The following GNAL variants were observed in gnomAD, a reference collection of about 807,000 sequenced individuals.
GNAL encodes the protein G protein subunit alpha L.
GNAL carries 18 observed loss-of-function variants against 55.1 expected under a neutral mutation model. The observed-to-expected ratio is 0.33, with a 90% confidence interval of 0.23 to 0.48. The LOEUF is 0.48. Ranked by LOEUF, GNAL falls within the 20% of genes least tolerant of loss-of-function variation. GNAL has a pLI of 0.99. For missense variants in GNAL, 412 were observed against 614.1 expected (o/e 0.67, Z 3.48); for synonymous variants, 253 against 237.0 (o/e 1.07, Z -0.62).
intron 1 of GNAL, among the ~76,000 whole-genome samples, chr18:11,693,759 T>TTTTG (rs2031325104): frequency 6.6e-6 from 1 of 151,192 alleles, no homozygotes; most frequent in Admixed American, 6.6e-5. Flanking sequence ...TTTTTTTTTT[T>TTTTG]TAATCCCAAC....
chr18:11,855,024 G>T (rs924825514), intron 5 of GNAL, among the ~76,000 whole-genome samples: 6 of 149,690 alleles, frequency 4.0e-5, no homozygotes, highest in South Asian at 4.2e-4. Flanking sequence ...AGGTTCTAGC[G>T]ATCCTCCTGC....
Position 11,807,037 on chromosome 18 carries a change from T to C in GNAL, c.625-17881T>C, listed in dbSNP as rs1447713343. On this transcript the variant is annotated intron_variant, in intron 4 of 11. Coordinates refer to ENST00000334049, the MANE Select transcript of GNAL (RefSeq NM_182978.4). ...AGCCGGGCATGGTGGCGCACGCCTGTAGTTCCAGCTACTGGGGAGGCTGAG... is the reference window on the plus strand; with the variant it reads ...AGCCGGGCATGGTGGCGCACGCCTGCAGTTCCAGCTACTGGGGAGGCTGAG... Among the ~76,000 whole-genome samples the C allele has an allele frequency of 2.0e-5, 3 of 152,008 alleles. No homozygotes were observed. In the East Asian group the frequency reaches 5.8e-4, roughly 29 times the overall value.
At chr18:11,694,271 C>T (rs1484692358) in intron 1 of GNAL, among the ~76,000 whole-genome samples, 2 of 152,136 alleles carry the variant, frequency 1.3e-5, no homozygotes, top group Non-Finnish European at 2.9e-5. Flanking sequence ...CTCCCTGTGT[C>T]CTGTGAATTC....
intron 5 of GNAL, among the ~76,000 whole-genome samples, chr18:11,829,395 G>A (rs1208468489): frequency 6.6e-6 from 1 of 152,150 alleles, no homozygotes; most frequent in East Asian, 1.9e-4. Flanking sequence ...TGGAATTGAG[G>A]GATGAGGGAT....
intron 4 of GNAL, among the ~76,000 whole-genome samples, chr18:11,754,375 C>T (rs1455492197): frequency 6.6e-6 from 1 of 151,826 alleles, no homozygotes; most frequent in African/African-American, 2.4e-5. Context: ...CGAGATCACG[C>T]CACTGCACTC....
intron 4 of GNAL, among the ~76,000 whole-genome samples, chr18:11,769,174 T>C (rs1373221786): frequency 9.4e-6 from 1 of 106,606 alleles, no homozygotes; most frequent in East Asian, 3.5e-4. Flanking sequence ...TAATATATAT[T>C]ATAATATAGA....
At chr18:11,865,260 C>T (rs974952417) in intron 7 of GNAL, among the ~76,000 whole-genome samples, 3 of 149,442 alleles carry the variant, frequency 2.0e-5, no homozygotes, top group Non-Finnish European at 4.4e-5. Flanking sequence ...GCTTGTGCAC[C>T]GTATGACCCA....
rs143332420 is a variant in GNAL, at chr18:11,690,063, C to T, written c.376+124C>T. The T allele has an allele frequency of 4.0e-3, 1,889 of 473,024 alleles. 41 individuals are homozygous for T. The highest frequency in any genetic ancestry group is 0.036 in the African/African-American group (1,720 of 47,462). The allele number at this position is 473,024 out of a possible 1,614,324, so 29.3% of individuals were successfully genotyped here. On this transcript the variant is annotated intron_variant, in intron 1 of 11. Coordinates refer to ENST00000334049, the MANE Select transcript of GNAL (RefSeq NM_182978.4). ...GGCGGCGGGAGGGGCTCCTGAATCC[C>T]GGGACTGGACCCGGACGGGCGGCGG...
At chr18:11,788,914 A>ATGT (rs1555650656) in intron 4 of GNAL, among the ~76,000 whole-genome samples, 1 of 56,304 alleles carries the variant, frequency 1.8e-5, no homozygotes, top group Non-Finnish European at 2.9e-5. Context: ...AAAAAAAAAA[A>ATGT]ATATATATAT....
chr18:11,785,676 T>C (rs143327469), intron 4 of GNAL, among the ~76,000 whole-genome samples: 85 of 152,364 alleles, frequency 5.6e-4, no homozygotes, highest in African/African-American at 2.0e-3. Context: ...TTGCTTTTTT[T>C]TTCAATGAGT....
intron 9 of GNAL, among the ~76,000 whole-genome samples, chr18:11,871,179 T>C (rs997991645): frequency 1.2e-4 from 19 of 152,316 alleles, no homozygotes; most frequent in African/African-American, 4.6e-4. Flanking sequence ...AGGTTATATA[T>C]TTTATTACTA....
intron 10 of GNAL, chr18:11,874,440 A>T (rs549268762): frequency 6.7e-6 from 1 of 149,220 alleles, no homozygotes; most frequent in South Asian, 2.2e-4. Flanking sequence ...ATGTCTAAAA[A>T]GTAAATTAGC....
chr18:11,707,183 G>A (rs910083189), intron 1 of GNAL, among the ~76,000 whole-genome samples: 2 of 152,138 alleles, frequency 1.3e-5, no homozygotes, highest in African/African-American at 4.8e-5. Flanking sequence ...AATCCAGAAG[G>A]CTTCTAATTT....
chr18:11,840,886 T>C (rs1019165361), intron 5 of GNAL, among the ~76,000 whole-genome samples: 1 of 150,498 alleles, frequency 6.6e-6, no homozygotes, highest in Non-Finnish European at 1.5e-5. Flanking sequence ...TTTTTTTTTT[T>C]TTTTTTGAGA....
Position 11,752,969 on chromosome 18 carries a change from C to T in GNAL, c.449+44C>T. 1.7e-6 allele frequency: 2 copies of T among 1,193,508 alleles called. No homozygotes were observed. Among genetic ancestry groups the T allele is most frequent in the Non-Finnish European group, 2.5e-6 (2 of 802,308 alleles). 73.9% of individuals were successfully genotyped at this position (1,193,508 alleles called of 1,614,324 possible). On this transcript the variant is annotated intron_variant, in intron 2 of 11. Transcript: ENST00000334049. This position sits in a 1 kb window ranked among gnomAD's most constrained non-coding sequence, Gnocchi z 4.5. The stretch of plus-strand genomic sequence containing the variant: ...CTTCCAAACTGCATGCAAACTTCGT[C>T]TCTCTCCCAGACGTCCCAAAAGTGC...
At position 11,881,048 on chromosome 18, in the gene GNAL, C is replaced by T. The variant is rs563746937; in HGVS notation, c.1290C>T (p.Ala430=). Residue 430 remains alanine, a synonymous_variant, in exon 12 of 12, where the codon GCC becomes GCT. Coordinates refer to ENST00000334049, the MANE Select transcript of GNAL (RefSeq NM_182978.4). The surrounding 1 kb of genome is among the most constrained non-coding windows in gnomAD (Gnocchi z 4.8). ...ACTGCTACCCGCACTTCACCTGCGC[C>T]GTGGACACAGAGAACATCCGCAGGG... ...KHYCYPHFTC[A]VDTENIRRVF... 33 of 1,613,992 alleles carry T rather than the reference C, an allele frequency of 2.0e-5. No individual in the cohort carries two copies. Among genetic ancestry groups the T allele is most frequent in the Non-Finnish European group, 2.4e-5 (28 of 1,179,914 alleles).
chr18:11,803,478 C>T (rs1173549951), intron 4 of GNAL, among the ~76,000 whole-genome samples: 1 of 152,212 alleles, frequency 6.6e-6, no homozygotes, highest in African/African-American at 2.4e-5. Context: ...CCCATGGACA[C>T]TTGGATTGTA....
At chr18:11,734,437 G>A (rs1003691069) in intron 1 of GNAL, among the ~76,000 whole-genome samples, 2 of 152,102 alleles carry the variant, frequency 1.3e-5, no homozygotes, top group Non-Finnish European at 2.9e-5. Context: ...CACCGCGCCG[G>A]GTGTAGATTT....
intron 10 of GNAL, among the ~76,000 whole-genome samples, chr18:11,875,086 G>T (rs556844089): frequency 2.0e-5 from 3 of 152,302 alleles, no homozygotes; most frequent in African/African-American, 7.2e-5. Flanking sequence ...GAGCTAGAGG[G>T]TCGGCCATAG....
Sources: gnomAD v4.1 joint callset for allele counts (sites outside exome capture counted in the v4.1 genomes callset) on GRCh38, gnomAD v4.1.1 for gene constraint, Gnocchi (gnomAD v3.1) non-coding constraint, MANE v1.5 for transcripts, NCBI Gene and HGNC (gene_info 2026-07-23, HGNC 2026-07-21) for gene names.